PRKDC: variants seen among roughly 807,000 people sequenced by gnomAD.
PRKDC encodes the protein protein kinase, DNA-activated, catalytic subunit, also known as DNA-dependent protein kinase catalytic subunit.
Under a neutral mutation model 486.9 loss-of-function variants are expected in PRKDC, and 82 were observed. That is an observed-to-expected ratio of 0.17 (90% CI 0.14 to 0.20). The LOEUF (loss-of-function observed/expected upper bound fraction) is 0.20, where lower values mean the gene tolerates loss of function less well. Ranked by LOEUF, PRKDC falls within the 10% of genes least tolerant of loss-of-function variation. The pLI, the probability that PRKDC is intolerant of heterozygous loss-of-function variation, is 1.00. For missense variants in PRKDC, 4,504 were observed against 5,038.2 expected, an observed-to-expected ratio of 0.89 and a Z score of 3.21; for synonymous variants, 1,895 against 1,837.0, an observed-to-expected ratio of 1.03 and a Z score of -0.81.
At chr8:47,880,740 T>C (rs1407851492) in intron 38 of PRKDC, among the ~76,000 whole-genome samples, 1 of 151,982 alleles carries the variant, frequency 6.6e-6, no homozygotes, top group Non-Finnish European at 1.5e-5. Flanking sequence ...CATCCAAATA[T>C]GATAATCTTA....
chr8:47,947,658 C>T (rs537368523), intron 7 of PRKDC, among the ~76,000 whole-genome samples: 6 of 152,286 alleles, frequency 3.9e-5, no homozygotes, highest in Non-Finnish European at 7.4e-5. Context: ...CCTGTAATCC[C>T]GGCACTTTGG....
rs533502682 is a variant in PRKDC, at chr8:47,940,274, T to C, written c.967-577A>G. Reference sequence around the variant, plus strand: ...TAAATTAAGTGATGCAAGGGGAAAATGTCGTCTGAGAAGCAAATAGATCAT... The same window carrying C: ...TAAATTAAGTGATGCAAGGGGAAAACGTCGTCTGAGAAGCAAATAGATCAT... On this transcript the variant is annotated intron_variant, in intron 10 of 85. Coordinates refer to ENST00000314191, the MANE Select transcript of PRKDC (RefSeq NM_006904.7). 6.8e-4 allele frequency among the ~76,000 whole-genome samples: 104 copies of C among 152,266 alleles called. 1 individual carries two copies. The highest frequency in any genetic ancestry group is 2.4e-3 in the African/African-American group (100 of 41,552).
Position 47,898,566 on chromosome 8 carries a change from G to A in PRKDC, c.3368C>T (p.Thr1123Ile), listed in dbSNP as rs1563792638. Reference protein sequence around the residue: ...LAHADEKSLGTIQQCCDAIDH... With the variant: ...LAHADEKSLGIIQQCCDAIDH... ...AATGGCATCACAACACTGTTGAATT[G>A]TACCTGTTCTCAAGTACAGAGACAT... The change falls in exon 29 of 86, where the codon ACA (threonine) becomes ATA (isoleucine). Residue 1123 changes from threonine (T) to isoleucine (I), a missense_variant. Transcript: ENST00000314191. The A allele has an allele frequency of 8.3e-6, 12 of 1,439,418 alleles. No individual in the cohort carries two copies. The highest frequency in any genetic ancestry group is 2.1e-5 in the Admixed American group (1 of 46,806). 89.2% of individuals were successfully genotyped at this position (1,439,418 alleles called of 1,614,324 possible).
chr8:47,776,778 T>C, intron 85 of PRKDC, 66 bp downstream of exon 85: 1 of 1,569,682 alleles, frequency 6.4e-7, no homozygotes. Context: ...TGTATATATG[T>C]TGGCTCCTCG....
chr8:47,948,124 ACG>A (rs1554646786), intron 7 of PRKDC, among the ~76,000 whole-genome samples: 1 of 148,512 alleles, frequency 6.7e-6, no homozygotes, highest in African/African-American at 2.5e-5. Flanking sequence ...ACACACACAC[ACG>A]CGTTTATATA....
Position 47,778,546 on chromosome 8 carries a change from G to A in PRKDC, c.11766C>T (p.Asp3922=), listed in dbSNP as rs8178247. 6.4e-5 allele frequency: 104 copies of A among 1,613,860 alleles called. 1 individual carries two copies. The East Asian group carries it at 2.1e-3, about 32-fold the overall frequency. ...CISHWILGIG[D]RHLNNFMVAM... is the part of the protein sequence containing the mutation. ...CCACCATAAAGTTGTTCAGATGTCTGTCTCCAATCCCGAGGATCCAGTGGC... is the reference window on the plus strand; with the variant it reads ...CCACCATAAAGTTGTTCAGATGTCTATCTCCAATCCCGAGGATCCAGTGGC... Residue 3922 remains aspartate (D), a synonymous_variant, in exon 83 of 86, where the codon GAC becomes GAT. Transcript: ENST00000314191.
At chr8:47,913,515 G>A (rs1040208997) in intron 24 of PRKDC, among the ~76,000 whole-genome samples, 3 of 151,948 alleles carry the variant, frequency 2.0e-5, no homozygotes, top group Non-Finnish European at 2.9e-5. Context: ...TCCTGCCTCA[G>A]CCTACCGAGT....
At chr8:47,904,366 T>A (rs1385635577) in intron 26 of PRKDC, among the ~76,000 whole-genome samples, 1 of 152,200 alleles carries the variant, frequency 6.6e-6, no homozygotes, top group African/African-American at 2.4e-5. Context: ...GCAATTCTCA[T>A]GCCTAAGCCA....
intron 40 of PRKDC, among the ~76,000 whole-genome samples, chr8:47,876,178 T>C (rs2089088925): frequency 6.6e-6 from 1 of 152,210 alleles, no homozygotes; most frequent in South Asian, 2.1e-4. Flanking sequence ...GCTGGTTGCA[T>C]ACTCAATAAA....
intron 77 of PRKDC, among the ~76,000 whole-genome samples, chr8:47,784,570 G>A (rs1192710078): frequency 6.6e-6 from 1 of 152,194 alleles, no homozygotes; most frequent in Non-Finnish European, 1.5e-5. Flanking sequence ...AATTCGGGGT[G>A]AGGAAAATGG....
chr8:47,924,036 T>C (rs914170376), intron 21 of PRKDC, among the ~76,000 whole-genome samples: 2 of 152,256 alleles, frequency 1.3e-5, no homozygotes, highest in Non-Finnish European at 2.9e-5. Flanking sequence ...TACTTATTTA[T>C]ATCTGCACAT....
chr8:47,801,006 AAAC>A lies in PRKDC; in HGVS notation c.9923-23_9923-21del. ...TCTCATCTGTTGGATTAAAAAAACAAAACAAAACAAAATTTTGTATGTGTGTGT... is the reference window on the plus strand; with the variant it reads ...TCTCATCTGTTGGATTAAAAAAACAAAAAACAAAATTTTGTATGTGTGTGT... On this transcript the variant is annotated intron_variant, in intron 70 of 85. Coordinates refer to ENST00000314191, the MANE Select transcript of PRKDC (RefSeq NM_006904.7). 6.2e-7 allele frequency: 1 copy of A among 1,602,702 alleles called. No homozygotes were observed. Among genetic ancestry groups the A allele is most frequent in the Non-Finnish European group, 8.5e-7 (1 of 1,171,874 alleles).
At position 47,943,353 on chromosome 8, in the gene PRKDC, T is replaced by G; in HGVS notation, c.822A>C (p.Leu274=). Residue 274 remains leucine (L), a synonymous_variant, in exon 10 of 86, where the codon CTA becomes CTC. Coordinates refer to ENST00000314191, the MANE Select transcript of PRKDC (RefSeq NM_006904.7). ...TAAACTGAGATGCATGCAGGGCAAA[T>G]AGGCGCAAGCCAGCTGCAAATGCAA... ...RYAVPSAGLR[L]FALHASQFST... 6.2e-7 allele frequency: 1 copy of G among 1,605,490 alleles called. No homozygotes were observed. The highest frequency in any genetic ancestry group is 8.5e-7 in the Non-Finnish European group (1 of 1,176,904).
At chr8:47,895,651 C>T (rs1413287703) in intron 30 of PRKDC, among the ~76,000 whole-genome samples, 1 of 152,130 alleles carries the variant, frequency 6.6e-6, no homozygotes, top group Non-Finnish European at 1.5e-5. Context: ...CTTCCCCAGC[C>T]ACTGGTCCAC....
chr8:47,825,485 C>T (rs1197146700), intron 63 of PRKDC, among the ~76,000 whole-genome samples: 3 of 109,108 alleles, frequency 2.7e-5, no homozygotes, highest in Non-Finnish European at 4.9e-5. Context: ...CTCCAACTGG[C>T]GACAGAGCAA....
intron 37 of PRKDC, 116 bp downstream of exon 37, chr8:47,881,796 T>C: frequency 1.1e-6 from 1 of 929,282 alleles, no homozygotes; most frequent in Non-Finnish European, 1.6e-6. Flanking sequence ...CCTGTCAAAA[T>C]ATTTTCTTAT....
At chr8:47,866,305 C>A (rs371634754) in intron 40 of PRKDC, among the ~76,000 whole-genome samples, 5 of 152,136 alleles carry the variant, frequency 3.3e-5, no homozygotes, top group African/African-American at 1.2e-4. Flanking sequence ...TTGGACTTCC[C>A]AGCCTCCAGA....
intron 22 of PRKDC, among the ~76,000 whole-genome samples, chr8:47,917,485 C>T (rs890459256): frequency 6.6e-5 from 10 of 152,144 alleles, no homozygotes; most frequent in Non-Finnish European, 1.0e-4. Context: ...TTAATTCTTA[C>T]TTCATTCCAA....
At chr8:47,885,325 G>C (rs565578293) in intron 36 of PRKDC, among the ~76,000 whole-genome samples, 7 of 151,434 alleles carry the variant, frequency 4.6e-5, no homozygotes, top group African/African-American at 1.7e-4. Flanking sequence ...CTAATTTTTT[G>C]TATTTTTAGT....
Sources: allele counts gnomAD v4.1 joint callset (sites outside exome capture counted in the v4.1 genomes callset), GRCh38; gene constraint gnomAD v4.1.1; transcripts MANE v1.5; gene names NCBI Gene and HGNC (gene_info 2026-07-23, HGNC 2026-07-21).